N4BP3: variants seen among roughly 807,000 people sequenced by gnomAD.
The protein encoded by N4BP3 is NEDD4 binding protein 3, also known as NEDD4-binding protein 3.
A neutral mutation model predicts 43.8 loss-of-function variants in N4BP3; 33 were observed. That is an observed-to-expected ratio of 0.75 (90% CI 0.57 to 1.01). The LOEUF (loss-of-function observed/expected upper bound fraction) is 1.01, where lower values mean the gene tolerates loss of function less well. Ranked by LOEUF, N4BP3 falls within the 50% of genes least tolerant of loss-of-function variation. N4BP3 has a pLI of 0.00. For missense variants in N4BP3, 756 were observed against 744.2 expected (o/e 1.02, Z -0.18); for synonymous variants, 326 against 321.9 (o/e 1.01, Z -0.14).
chr5:178,119,245 C>A lies in N4BP3; in HGVS notation c.-30-309C>A, dbSNP rs373404146. ...TGCTGCTTCCAGGCCTATCCCCTCC[C>A]GGTACTTCTGAATCCCACACAGGCC... On this transcript the variant is annotated intron_variant, in intron 1 of 4. Transcript: ENST00000274605. Among the ~76,000 whole-genome samples the A allele has an allele frequency of 7.9e-5, 12 of 152,342 alleles. No individual in the cohort carries two copies. In the East Asian group the frequency reaches 1.4e-3, roughly 17 times the overall value.
At chr5:178,121,428 C>A (rs1286989361) in intron 4 of N4BP3, 46 bp from the exon 5 acceptor site, 4 of 1,613,518 alleles carry the variant, frequency 2.5e-6, no homozygotes, top group Non-Finnish European at 3.4e-6. Context: ...CCCTCCCAAA[C>A]CGGCTCCCCA....
In N4BP3 at chr5:178,124,403, C is replaced by G. The variant is rs1174012510; in HGVS notation, c.*2402C>G. The stretch of plus-strand genomic sequence containing the variant: ...AGGCTGGACAAACCAGTTCCTGGGT[C>G]CCCCAGCCGGCTGGGTGGCTCTGGG... On this transcript the variant is annotated 3_prime_UTR_variant, in exon 5 of 5. Coordinates refer to ENST00000274605, the MANE Select transcript of N4BP3 (RefSeq NM_015111.2). The G allele has an allele frequency of 1.3e-5, 2 of 152,640 alleles. No homozygotes were observed. The highest frequency in any genetic ancestry group is 2.1e-4 in the South Asian group (1 of 4,826). The allele number at this position is 152,640 out of a possible 1,614,324, so 9.5% of individuals were successfully genotyped here. A position where few individuals can be genotyped will look rare whatever the true frequency, so the allele number is the denominator to read the frequency against.
chr5:178,120,273 G>C lies in N4BP3; in HGVS notation c.426G>C (p.Leu142=), dbSNP rs568278538. ...QSLASHKGQK[L]WRSNGSLHTL... is the part of the protein sequence containing the mutation. Reference sequence around the variant, plus strand: ...TGGCGTCCCACAAAGGCCAGAAGCTGTGGCGCAGCAATGGCAGCCTGCACA... The same window carrying C: ...TGGCGTCCCACAAAGGCCAGAAGCTCTGGCGCAGCAATGGCAGCCTGCACA... The change falls in exon 3 of 5, where the codon CTG becomes CTC. Residue 142 remains leucine (L), a synonymous_variant. Transcript: ENST00000274605. The C allele has an allele frequency of 2.5e-6, 4 of 1,610,722 alleles. No homozygotes were observed. The Admixed American group carries it at 6.7e-5, about 27-fold the overall frequency.
At chr5:178,126,644 C>T (rs541611239), downstream of N4BP3, among the ~76,000 whole-genome samples, 2 of 152,262 alleles carry the variant, frequency 1.3e-5, no homozygotes, top group South Asian at 2.1e-4. Context: ...CCTCCTGAAG[C>T]GCAGGGAGGG....
Position 178,121,967 on chromosome 5 carries a change from C to T in N4BP3, c.1601C>T (p.Pro534Leu). 6.2e-7 allele frequency: 1 copy of T among 1,606,144 alleles called. No homozygotes were observed. Among genetic ancestry groups the T allele is most frequent in the Non-Finnish European group, 8.5e-7 (1 of 1,176,408 alleles). The change falls in exon 5 of 5, where the codon CCC becomes CTC. Residue 534 changes from proline (P) to leucine (L), a missense_variant. Physicochemically the swap from Pro to Leu is moderately conservative, Grantham distance 98. Coordinates refer to ENST00000274605, the MANE Select transcript of N4BP3 (RefSeq NM_015111.2). ...ELRALREPPT[P>L]WSPRLESSKI ...CGGGCACTGCGGGAGCCCCCCACACCCTGGAGTCCCCGGCTCGAGTCCTCC... is the reference window on the plus strand; with the variant it reads ...CGGGCACTGCGGGAGCCCCCCACACTCTGGAGTCCCCGGCTCGAGTCCTCC...
At position 178,125,460 on chromosome 5, in the gene N4BP3, T is replaced by G. The variant is rs1758038185; in HGVS notation, c.*3459T>G. 1 of 152,360 alleles carries G rather than the reference T, an allele frequency of 6.6e-6. No homozygotes were observed. Among genetic ancestry groups the G allele is most frequent in the Non-Finnish European group, 1.5e-5 (1 of 68,136 alleles). The allele number at this position is 152,360 out of a possible 1,614,324, so 9.4% of individuals were successfully genotyped here. On this transcript the variant is annotated 3_prime_UTR_variant, in exon 5 of 5. Transcript: ENST00000274605. ...ATCTGTGGGGCTGGGTACATTTCTC[T>G]GAGACTCACGGAATGTAAGTGTTGA...
downstream of N4BP3, chr5:178,126,209 G>A (rs1476576572): frequency 1.3e-5 from 2 of 152,036 alleles, no homozygotes; most frequent in Non-Finnish European, 2.9e-5. Flanking sequence ...TTGAGATGGA[G>A]TCTCACTGTG....
intron 1 of N4BP3, among the ~76,000 whole-genome samples, chr5:178,114,154 C>G (rs902760869): frequency 6.6e-6 from 1 of 152,226 alleles, no homozygotes. Context: ...CCGGCCCAGC[C>G]GCTCCCGGCA....
rs1757864727 is a variant in N4BP3, at chr5:178,119,769, C to T, written c.186C>T (p.Pro62=). Residue 62 remains proline (P), a synonymous_variant, in exon 2 of 5, where the codon CCC becomes CCT. Coordinates refer to ENST00000274605, the MANE Select transcript of N4BP3 (RefSeq NM_015111.2). ...QREFLSYLHL[P]KKDSKSTKNT... is the part of the protein sequence containing the mutation. ...AGTTCCTCAGCTACCTGCACCTCCC[C>T]AAGAAGGACAGCAAGAGCACCAAGA... is the stretch of plus-strand genomic sequence containing the variant. The T allele has an allele frequency of 6.2e-7, 1 of 1,613,650 alleles. No homozygotes were observed. The highest frequency in any genetic ancestry group is 8.5e-7 in the Non-Finnish European group (1 of 1,180,010).
Position 178,114,161 on chromosome 5 carries a change from G to A in N4BP3, c.-31+390G>A, listed in dbSNP as rs1361659277. 1.9e-4 allele frequency among the ~76,000 whole-genome samples: 29 copies of A among 152,304 alleles called. 1 individual carries two copies. In the South Asian group the frequency reaches 5.8e-3, roughly 30 times the overall value. ...TCCGCCCCCCGGCCCAGCCGCTCCC[G>A]GCAGGCCTCAGGGAGGGGCCAGGAG... On this transcript the variant is annotated intron_variant, in intron 1 of 4. Transcript: ENST00000274605.
rs372989708 is a variant in N4BP3 at position 178,120,636 on chromosome 5, C to T, written c.789C>T (p.Pro263=). 1.7e-4 allele frequency: 270 copies of T among 1,607,596 alleles called. No homozygotes were observed. The highest frequency in any genetic ancestry group is 2.2e-4 in the Non-Finnish European group (258 of 1,179,954). The change falls in exon 3 of 5, where the codon CCC becomes CCT. Residue 263 remains proline, a synonymous_variant. Transcript: ENST00000274605. ...CCGAGGAAATGGGAGCCGTGCTGCC[C>T]GAGACCTGTGAGGAGCTCAAGAGGG... is the stretch of plus-strand genomic sequence containing the variant. ...SSAEEMGAVL[P]ETCEELKRGL... is the part of the protein sequence containing the mutation.
intron 1 of N4BP3, among the ~76,000 whole-genome samples, chr5:178,115,767 G>A (rs915957758): frequency 7.2e-5 from 11 of 152,158 alleles, no homozygotes; most frequent in South Asian, 2.1e-4. Flanking sequence ...CAAAGAAAGC[G>A]CGTCCTCTCC....
chr5:178,119,803 C>T lies in N4BP3; in HGVS notation c.220C>T (p.Arg74Trp), dbSNP rs916940806. Residue 74 changes from arginine (R) to tryptophan (W), a missense_variant, in exon 2 of 5, where the codon CGG becomes TGG. Coordinates refer to ENST00000274605, the MANE Select transcript of N4BP3 (RefSeq NM_015111.2). Reference sequence around the variant, plus strand: ...CAGCAAGAGCACCAAGAACACCAAGCGGGCCCCTCGGAACGAGCCTGCCGA... The same window carrying T: ...CAGCAAGAGCACCAAGAACACCAAGTGGGCCCCTCGGAACGAGCCTGCCGA... ...KDSKSTKNTK[R>W]APRNEPADYA... The T allele has an allele frequency of 5.6e-6, 9 of 1,613,408 alleles. No individual in the cohort carries two copies. The East Asian group carries it at 1.6e-4, about 28-fold the overall frequency.
chr5:178,118,867 CT>C lies in N4BP3; in HGVS notation c.-30-671del, dbSNP rs1163342087. Among the ~76,000 whole-genome samples, 443 of 137,562 alleles carry C rather than the reference CT, an allele frequency of 3.2e-3. 1 individual carries two copies. The highest frequency in any genetic ancestry group is 7.6e-3 in the Middle Eastern group (2 of 264). 90.2% of individuals were successfully genotyped at this position (137,562 alleles called of 152,430 possible). ...GTCAGGTTCAGCCAGGCTGAGTTTT[CT>C]TTTTTTTTTTTTTTTGAGATGGAGT... On this transcript the variant is annotated intron_variant, in intron 1 of 4. Transcript: ENST00000274605. The surrounding 1 kb of genome is among the most constrained non-coding windows in gnomAD (Gnocchi z 5.4).
Position 178,121,916 on chromosome 5 carries a change from G to A in N4BP3, c.1550G>A (p.Arg517His), listed in dbSNP as rs779189603. Residue 517 changes from arginine to histidine, a missense_variant, in exon 5 of 5, where the codon CGC becomes CAC. Transcript: ENST00000274605. ...IQGGYMDMYR[R>H]NQALEQELRA... is the part of the protein sequence containing the mutation. ...GGAGGGTACATGGACATGTACCGCCGCAACCAGGCACTGGAGCAGGAACTG... is the reference window on the plus strand; with the variant it reads ...GGAGGGTACATGGACATGTACCGCCACAACCAGGCACTGGAGCAGGAACTG... The A allele has an allele frequency of 5.0e-6, 8 of 1,611,884 alleles. No individual in the cohort carries two copies. Among genetic ancestry groups the A allele is most frequent in the South Asian group, 2.2e-5 (2 of 90,958 alleles).
chr5:178,120,082 A>C, intron 2 of N4BP3, 96 bp from the exon 3 acceptor site: 8 of 1,505,206 alleles, frequency 5.3e-6, no homozygotes, highest in Non-Finnish European at 7.1e-6. Flanking sequence ...CCGCGGTCTC[A>C]AAGAGGATCC....
chr5:178,114,939 C>A (rs1305076707), intron 1 of N4BP3, among the ~76,000 whole-genome samples: 2 of 152,184 alleles, frequency 1.3e-5, no homozygotes, highest in Admixed American at 1.3e-4. Flanking sequence ...AATACATACA[C>A]AGCAGTGTGT....
downstream of N4BP3, chr5:178,126,167 A>T (rs1258791189): frequency 6.6e-6 from 1 of 152,054 alleles, no homozygotes; most frequent in Non-Finnish European, 1.5e-5. Flanking sequence ...CCACCCCTGC[A>T]TTTATTTTAT....
At chr5:178,126,980 T>C (rs566990619), downstream of N4BP3, among the ~76,000 whole-genome samples, 6 of 152,234 alleles carry the variant, frequency 3.9e-5, no homozygotes, top group Non-Finnish European at 7.3e-5. Context: ...GTCTCACATT[T>C]TGTGGGACTC....
Sources: gnomAD v4.1 joint callset for allele counts (sites outside exome capture counted in the v4.1 genomes callset) on GRCh38, gnomAD v4.1.1 for gene constraint, Gnocchi (gnomAD v3.1) non-coding constraint, MANE v1.5 for transcripts, NCBI Gene and HGNC (gene_info 2026-07-23, HGNC 2026-07-21) for gene names.